CADPS2: variants seen among roughly 807,000 people sequenced by gnomAD.
CADPS2 encodes the protein calcium-dependent secretion activator 2.
In CADPS2, 93 loss-of-function variants were observed where a neutral mutation model predicts 172.5. The ratio of observed to expected loss-of-function variants is 0.54; its 90% confidence interval spans 0.46 to 0.64. The LOEUF (loss-of-function observed/expected upper bound fraction) is 0.64, where lower values mean the gene tolerates loss of function less well. CADPS2 is among the 30% of genes least tolerant of loss of function. CADPS2 has a pLI of 0.00. For missense variants in CADPS2, 1,420 were observed against 1,565.9 expected, an observed-to-expected ratio of 0.91 and a Z score of 1.57; for synonymous variants, 546 against 555.2, an observed-to-expected ratio of 0.98 and a Z score of 0.23.
chr7:122,550,251 T>C (rs1022719070), intron 8 of CADPS2, among the ~76,000 whole-genome samples: 7 of 152,218 alleles, frequency 4.6e-5, no homozygotes, highest in Admixed American at 1.3e-4. Context: ...ATGATGGAAA[T>C]TAAACTACAG....
At chr7:122,383,337 A>G (rs2043239390) in intron 24 of CADPS2, among the ~76,000 whole-genome samples, 3 of 151,864 alleles carry the variant, frequency 2.0e-5, no homozygotes, top group African/African-American at 7.2e-5. Flanking sequence ...AGTAGAGGGG[A>G]GAGGGAGGGA....
chr7:122,394,080 C>T (rs539521628), intron 20 of CADPS2, among the ~76,000 whole-genome samples: 1 of 152,112 alleles, frequency 6.6e-6, no homozygotes, highest in Non-Finnish European at 1.5e-5. Flanking sequence ...TTGGGAATAT[C>T]TATTTTGATT....
chr7:122,587,226 C>T (rs931898878), intron 6 of CADPS2, among the ~76,000 whole-genome samples: 2 of 151,650 alleles, frequency 1.3e-5, no homozygotes, highest in Admixed American at 1.3e-4. Context: ...GTATTAAGCC[C>T]AGCATGCATT....
chr7:122,628,270 C>A (rs1054915296), intron 4 of CADPS2, among the ~76,000 whole-genome samples: 2 of 151,998 alleles, frequency 1.3e-5, no homozygotes, highest in Non-Finnish European at 2.9e-5. Flanking sequence ...TACACATTTT[C>A]TTTGCAGAAG....
At chr7:122,465,808 T>G (rs1363171142) in intron 14 of CADPS2, among the ~76,000 whole-genome samples, 1 of 152,190 alleles carries the variant, frequency 6.6e-6, no homozygotes, top group Non-Finnish European at 1.5e-5. Flanking sequence ...CAGTTCATTT[T>G]GTGTGGCTAC....
chr7:122,567,691 G>A (rs1047095950), intron 7 of CADPS2, among the ~76,000 whole-genome samples: 10 of 152,034 alleles, frequency 6.6e-5, no homozygotes, highest in Non-Finnish European at 5.9e-5. Flanking sequence ...AATGATGGGA[G>A]GGAAGAACTA....
At chr7:122,471,264 A>T in intron 14 of CADPS2, 111 bp downstream of exon 14, 1 of 592,124 alleles carries the variant, frequency 1.7e-6, no homozygotes, top group Non-Finnish European at 2.6e-6. Context: ...TCCTTGTAAG[A>T]AGTGTTTGCT....
rs778963218 is a variant in CADPS2 at position 122,637,208 on chromosome 7, T to TTTTTTTTTCTC, written c.787-7881_787-7880insGAGAAAAAAAA. ...TTTTTTTTTTTTTTTTTTTTTTTTT[T>TTTTTTTTTCTC]CCTGAGACAGGGTCTCACTCTGTGG... On this transcript the variant is annotated intron_variant, in intron 3 of 29. Transcript: ENST00000449022. 1.1e-3 allele frequency among the ~76,000 whole-genome samples: 72 copies of TTTTTTTTTCTC among 62,684 alleles called. 8 individuals are homozygous for TTTTTTTTTCTC. Among genetic ancestry groups the TTTTTTTTTCTC allele is most frequent in the Admixed American group, 3.4e-3 (13 of 3,794 alleles). The allele number at this position is 62,684 out of a possible 152,430, so 41.1% of individuals were successfully genotyped here.
chr7:122,475,328 C>T (rs569687751), intron 12 of CADPS2, among the ~76,000 whole-genome samples: 41 of 152,238 alleles, frequency 2.7e-4, no homozygotes, highest in African/African-American at 9.9e-4. Context: ...CTGTTAGAAA[C>T]GTAGCGCATA....
intron 3 of CADPS2, among the ~76,000 whole-genome samples, chr7:122,652,218 A>G (rs1026219415): frequency 1.3e-5 from 2 of 152,204 alleles, no homozygotes; most frequent in African/African-American, 2.4e-5. Context: ...ATTATTTAAC[A>G]CAATGCCTAG....
At chr7:122,547,496 T>C (rs1476182638) in intron 8 of CADPS2, among the ~76,000 whole-genome samples, 3 of 152,188 alleles carry the variant, frequency 2.0e-5, no homozygotes, top group African/African-American at 7.2e-5. Flanking sequence ...ATTTCTGCAT[T>C]CTATTCTTTT....
At chr7:122,358,441 G>A (rs1023562639) in intron 27 of CADPS2, among the ~76,000 whole-genome samples, 1 of 151,992 alleles carries the variant, frequency 6.6e-6, no homozygotes, top group East Asian at 1.9e-4. Flanking sequence ...CAATGAATAA[G>A]AGTATACTTA....
chr7:122,523,890 C>T (rs1316489290), intron 8 of CADPS2, among the ~76,000 whole-genome samples: 2 of 152,132 alleles, frequency 1.3e-5, no homozygotes, highest in African/African-American at 4.8e-5. Flanking sequence ...TCTACCCCAA[C>T]CAGGCAAACT....
intron 1 of CADPS2, among the ~76,000 whole-genome samples, chr7:122,791,608 A>G (rs1795308739): frequency 6.6e-6 from 1 of 151,888 alleles, no homozygotes; most frequent in African/African-American, 2.4e-5. Context: ...CTTTATCAAC[A>G]TATTTATTTC....
At chr7:122,657,168 A>C (rs2079906164) in intron 3 of CADPS2, among the ~76,000 whole-genome samples, 1 of 152,094 alleles carries the variant, frequency 6.6e-6, no homozygotes, top group South Asian at 2.1e-4. Flanking sequence ...ATAGGTCTAT[A>C]TCTCTGTTTT....
intron 1 of CADPS2, among the ~76,000 whole-genome samples, chr7:122,823,849 T>C (rs1804081810): frequency 6.6e-6 from 1 of 152,132 alleles, no homozygotes; most frequent in Non-Finnish European, 1.5e-5. Flanking sequence ...TCACCATCTA[T>C]TCCAGTAGGT....
chr7:122,596,694 T>G (rs1214746027), intron 6 of CADPS2, among the ~76,000 whole-genome samples: 1 of 152,056 alleles, frequency 6.6e-6, no homozygotes, highest in Non-Finnish European at 1.5e-5. Context: ...AGGCACACAT[T>G]ACATATTCAA....
intron 28 of CADPS2, among the ~76,000 whole-genome samples, chr7:122,328,088 CAA>C (rs2034228437): frequency 6.6e-6 from 1 of 150,794 alleles, no homozygotes; most frequent in Non-Finnish European, 1.5e-5. Flanking sequence ...CTAACAACAA[CAA>C]AAATCCCATT....
At chr7:122,727,858 A>G (rs1040380964) in intron 2 of CADPS2, among the ~76,000 whole-genome samples, 1 of 151,978 alleles carries the variant, frequency 6.6e-6, no homozygotes, top group Non-Finnish European at 1.5e-5. Flanking sequence ...GAAAATATGA[A>G]GTGAAACACA....
Sources: allele counts gnomAD v4.1 joint callset (sites outside exome capture counted in the v4.1 genomes callset), GRCh38; gene constraint gnomAD v4.1.1; transcripts MANE v1.5; gene names NCBI Gene and HGNC (gene_info 2026-07-23, HGNC 2026-07-21).